Variants in MACROD2 observed in about 807,000 individuals in gnomAD.
MACROD2 encodes ADP-ribose glycohydrolase MACROD2.
In MACROD2, 36 loss-of-function variants were observed where a neutral mutation model predicts 70.4. The observed-to-expected ratio is 0.51, with a 90% CI of 0.39 to 0.68. The LOEUF (loss-of-function observed/expected upper bound fraction) is 0.68, where lower values mean the gene tolerates loss of function less well. Among genes scored for constraint, MACROD2 ranks in the 30% least tolerant of loss-of-function variants. MACROD2 has a pLI of 0.00. For synonymous variants in MACROD2, 172 were observed against 178.8 expected, an observed-to-expected ratio of 0.96 and a Z score of 0.30; for missense variants, 496 against 538.4, an observed-to-expected ratio of 0.92 and a Z score of 0.78.
intron 7 of MACROD2, among the ~76,000 whole-genome samples, chr20:15,436,291 T>C (rs944704346): frequency 6.6e-6 from 1 of 152,090 alleles, no homozygotes; most frequent in African/African-American, 2.4e-5. Context: ...CTCACAATCA[T>C]GGTGGAAGGC....
At chr20:15,417,366 G>A (rs747322712) in intron 6 of MACROD2, among the ~76,000 whole-genome samples, 1 of 151,658 alleles carries the variant, frequency 6.6e-6, no homozygotes, top group Non-Finnish European at 1.5e-5. Context: ...CGAGGCAGGA[G>A]GATTGCTTGA....
chr20:15,447,587 C>T (rs2046586162), intron 7 of MACROD2, among the ~76,000 whole-genome samples: 1 of 152,164 alleles, frequency 6.6e-6, no homozygotes, highest in South Asian at 2.1e-4. Context: ...CTACCCTAGG[C>T]CTGCCATAAT....
chr20:14,827,229 C>G (rs552916613), intron 5 of MACROD2, among the ~76,000 whole-genome samples: 16 of 152,212 alleles, frequency 1.1e-4, no homozygotes, highest in African/African-American at 3.1e-4. Flanking sequence ...CATCAAATGA[C>G]TTATTGAACT....
At chr20:14,126,475 A>G (rs2054651874) in intron 3 of MACROD2, among the ~76,000 whole-genome samples, 1 of 152,126 alleles carries the variant, frequency 6.6e-6, no homozygotes, top group South Asian at 2.1e-4. Context: ...TACCTCATTT[A>G]TTGTACTTTG....
intron 10 of MACROD2, among the ~76,000 whole-genome samples, chr20:15,911,336 ATAT>A (rs1457752208): frequency 6.6e-6 from 1 of 152,240 alleles, no homozygotes; most frequent in Non-Finnish European, 1.5e-5. Context: ...TCGTCAGTAA[ATAT>A]TATTTGATCA....
intron 5 of MACROD2, among the ~76,000 whole-genome samples, chr20:15,084,074 T>TTTTTTTTTTTG (rs1555780894): frequency 1.2e-4 from 14 of 117,090 alleles, no homozygotes; most frequent in East Asian, 1.0e-3. Context: ...TTTTTTTTGT[T>TTTTTTTTTTTG]TTTTTTTTTT....
At chr20:14,130,608 C>T (rs2054704915) in intron 3 of MACROD2, among the ~76,000 whole-genome samples, 1 of 152,070 alleles carries the variant, frequency 6.6e-6, no homozygotes. Context: ...ATTATAGCAG[C>T]ATATTCCCAC....
chr20:15,706,720 T>C (rs1476664812), intron 8 of MACROD2, among the ~76,000 whole-genome samples: 1 of 152,214 alleles, frequency 6.6e-6, no homozygotes, highest in Non-Finnish European at 1.5e-5. Flanking sequence ...GGATGAAAAT[T>C]TATCCAGTTT....
At chr20:14,368,982 T>C (rs1245204378) in intron 3 of MACROD2, among the ~76,000 whole-genome samples, 1 of 152,200 alleles carries the variant, frequency 6.6e-6, no homozygotes, top group African/African-American at 2.4e-5. Context: ...CATCTAAAGC[T>C]GAAAGAATAA....
chr20:15,796,405 C>T (rs1034845467), intron 8 of MACROD2, among the ~76,000 whole-genome samples: 1 of 152,198 alleles, frequency 6.6e-6, no homozygotes, highest in African/African-American at 2.4e-5. Flanking sequence ...AAGTCTTTTC[C>T]TCTTGATGTA....
intron 2 of MACROD2, chr20:14,053,053 G>A (rs541945851): frequency 6.7e-6 from 1 of 149,454 alleles, no homozygotes; most frequent in Non-Finnish European, 1.5e-5. Context: ...TCTTAAGAGA[G>A]AATTTTGTAT....
intron 3 of MACROD2, among the ~76,000 whole-genome samples, chr20:14,461,971 A>T (rs905095898): frequency 9.2e-5 from 14 of 152,086 alleles, no homozygotes; most frequent in Admixed American, 8.5e-4. Context: ...TCTTTATAGC[A>T]GCATGATTTA....
At chr20:15,417,617 G>T (rs144917694) in intron 6 of MACROD2, among the ~76,000 whole-genome samples, 1 of 89,236 alleles carries the variant, frequency 1.1e-5, no homozygotes, top group East Asian at 3.6e-4. Context: ...AAAAAAAAAA[G>T]AAAGAAAGAA....
chr20:14,515,182 G>A (rs922783778), intron 4 of MACROD2, among the ~76,000 whole-genome samples: 1 of 152,032 alleles, frequency 6.6e-6, no homozygotes, highest in Non-Finnish European at 1.5e-5. Flanking sequence ...TAAGATTAAT[G>A]TTAGGAATAA....
At chr20:14,653,514 G>C (rs546834028) in intron 4 of MACROD2, among the ~76,000 whole-genome samples, 1 of 144,522 alleles carries the variant, frequency 6.9e-6, no homozygotes, top group African/African-American at 2.8e-5. Context: ...CACCAAGCCC[G>C]GCTGCAATTT....
chr20:14,150,311 G>A (rs907311715), intron 3 of MACROD2, among the ~76,000 whole-genome samples: 4 of 152,154 alleles, frequency 2.6e-5, no homozygotes, highest in African/African-American at 9.7e-5. Context: ...AGAAAGTTGT[G>A]TGGATATTGT....
intron 8 of MACROD2, among the ~76,000 whole-genome samples, chr20:15,556,917 C>G (rs1600585666): frequency 6.6e-6 from 1 of 152,156 alleles, no homozygotes; most frequent in East Asian, 1.9e-4. Context: ...CCCTTAGAAT[C>G]AGTTTCCAAC....
chr20:14,189,785 G>A (rs2081370616), intron 3 of MACROD2, among the ~76,000 whole-genome samples: 2 of 152,200 alleles, frequency 1.3e-5, no homozygotes, highest in South Asian at 4.1e-4. Flanking sequence ...GTATTCTATA[G>A]TGGGTTTAGG....
chr20:15,578,921 G>A (rs898178003), intron 8 of MACROD2, among the ~76,000 whole-genome samples: 3 of 152,184 alleles, frequency 2.0e-5, no homozygotes, highest in African/African-American at 7.2e-5. Flanking sequence ...TAAACAGATA[G>A]ATATAGCGAT....
Sources: gnomAD v4.1 joint callset for allele counts (sites outside exome capture counted in the v4.1 genomes callset) on GRCh38, gnomAD v4.1.1 for gene constraint, MANE v1.5 for transcripts, NCBI Gene and HGNC (gene_info 2026-07-23, HGNC 2026-07-21) for gene names.